The following SQOR variants were observed in gnomAD, a reference collection of about 807,000 sequenced individuals.
SQOR encodes sulfide:quinone oxidoreductase, mitochondrial.
SQOR carries 39 observed loss-of-function variants against 48.6 expected under a neutral mutation model. The observed-to-expected ratio is 0.80, with a 90% CI of 0.62 to 1.05. The LOEUF (loss-of-function observed/expected upper bound fraction) is 1.05. Ranked by LOEUF, SQOR falls within the 50% of genes least tolerant of loss-of-function variation. SQOR has a pLI of 0.00. For synonymous variants in SQOR, 220 were observed against 206.2 expected (o/e 1.07, Z -0.57); for missense variants, 561 against 559.9 (o/e 1.00, Z -0.02).
Position 45,659,145 on chromosome 15 carries a change from T to G in SQOR, c.222T>G (p.Val74=). ...TGGGTGCAGAGAATGTGGCCATTGT[T>G]GAGCCCAGTGAGGTAAGCCTCCCCT... is the stretch of plus-strand genomic sequence containing the variant. The part of the protein sequence containing the change: ...RKVGAENVAI[V]EPSERHFYQP... Residue 74 remains valine, a synonymous_variant, in exon 2 of 10, where the codon GTT becomes GTG. Coordinates refer to ENST00000260324, the MANE Select transcript of SQOR (RefSeq NM_021199.4). 1 of 1,533,808 alleles carries G rather than the reference T, an allele frequency of 6.5e-7. No individual in the cohort carries two copies. The highest frequency in any genetic ancestry group is 8.8e-7 in the Non-Finnish European group (1 of 1,133,956).
chr15:45,689,363 A>G (rs1451529223), intron 9 of SQOR, 146 bp downstream of exon 9: 1 of 663,102 alleles, frequency 1.5e-6, no homozygotes, highest in Non-Finnish European at 2.5e-6. Context: ...TGCTGGATAA[A>G]TAATAATAGT....
At chr15:45,659,217 T>A (rs532791362) in intron 2 of SQOR, 60 bp downstream of exon 2, 247 of 1,268,218 alleles carry the variant, frequency 1.9e-4, no homozygotes, top group East Asian at 7.3e-4. Flanking sequence ...TGTGAGTGTG[T>A]GTGTGTGTGT....
In SQOR at chr15:45,676,182, C is replaced by A. The variant is rs771281868; in HGVS notation, c.736C>A (p.Leu246Met). ...IFGVKKYADA[L>M]QEIIQERNLT... ...CGGGGTTAAGAAGTATGCAGATGCC[C>A]TGCAGGAGATCATCCAGGAGCGGAA... The change falls in exon 6 of 10, where the codon CTG (leucine) becomes ATG (methionine). Residue 246 changes from leucine (L) to methionine (M), a missense_variant. Coordinates refer to ENST00000260324, the MANE Select transcript of SQOR (RefSeq NM_021199.4). The A allele has an allele frequency of 6.2e-7, 1 of 1,614,030 alleles. No individual in the cohort carries two copies. The highest frequency in any genetic ancestry group is 1.3e-5 in the African/African-American group (1 of 74,922).
intron 1 of SQOR, among the ~76,000 whole-genome samples, chr15:45,639,616 A>G (rs2140936626): frequency 6.6e-6 from 1 of 152,346 alleles, no homozygotes; most frequent in Middle Eastern, 3.4e-3. Flanking sequence ...CTCTATGATA[A>G]CTTTCTTATA....
chr15:45,650,218 C>A (rs1595572124), intron 1 of SQOR, among the ~76,000 whole-genome samples: 2 of 152,264 alleles, frequency 1.3e-5, no homozygotes, highest in East Asian at 3.9e-4. Context: ...TGACTCATTG[C>A]CACCTCCACT....
intron 7 of SQOR, among the ~76,000 whole-genome samples, chr15:45,686,572 G>T (rs1245803350): frequency 6.6e-6 from 1 of 152,218 alleles, no homozygotes; most frequent in Non-Finnish European, 1.5e-5. Context: ...ATGGGGCAAT[G>T]CAGTCCACTG....
chr15:45,674,229 G>C (rs1421400328), intron 5 of SQOR, among the ~76,000 whole-genome samples: 1 of 152,156 alleles, frequency 6.6e-6, no homozygotes, highest in Non-Finnish European at 1.5e-5. Flanking sequence ...CTGAGGTTAG[G>C]AGTTCAAGAC....
chr15:45,688,936 GA>G (rs1890270838), intron 8 of SQOR, 102 bp from the exon 9 acceptor site: 1 of 970,156 alleles, frequency 1.0e-6, no homozygotes, highest in Non-Finnish European at 1.5e-6. Context: ...ATACAGAAAA[GA>G]AAAAATATAT....
At chr15:45,661,432 G>A (rs1211139784) in intron 2 of SQOR, among the ~76,000 whole-genome samples, 1 of 151,934 alleles carries the variant, frequency 6.6e-6, no homozygotes, top group Admixed American at 6.6e-5. Context: ...CTCTGAGAAA[G>A]TAGAAGAAGG....
intron 1 of SQOR, among the ~76,000 whole-genome samples, chr15:45,649,212 ACCAGGTCTGGAACTAGGGG>A (rs1267290497): frequency 6.6e-6 from 1 of 152,086 alleles, no homozygotes; most frequent in East Asian, 1.9e-4. Context: ...ACTTGTCCAG[ACCAGGTCTGGAACTAGGGG>A]CCAGTGATGG....
chr15:45,659,016 G>T lies in SQOR; in HGVS notation c.93G>T (p.Gln31His). 1.2e-6 allele frequency: 2 copies of T among 1,603,196 alleles called. No individual in the cohort carries two copies. The highest frequency in any genetic ancestry group is 1.7e-6 in the Non-Finnish European group (2 of 1,175,232). Residue 31 changes from glutamine (Q) to histidine (H), a missense_variant, in exon 2 of 10, where the codon CAG (glutamine) becomes CAT (histidine). Physicochemically the swap from Gln to His is conservative, Grantham distance 24 (BLOSUM62 0). Transcript: ENST00000260324. ...RLGTQQVGPLQLHTGASHAAR... is the reference protein window; with the variant it reads ...RLGTQQVGPLHLHTGASHAAR... ...GCACTCAGCAGGTCGGCCCCCTTCAGCTGCACACCGGGGCCAGCCATGCGG... is the reference window on the plus strand; with the variant it reads ...GCACTCAGCAGGTCGGCCCCCTTCATCTGCACACCGGGGCCAGCCATGCGG...
At chr15:45,684,592 T>TTC (rs66499038) in intron 7 of SQOR, among the ~76,000 whole-genome samples, 36,677 of 150,008 alleles carry the variant, frequency 0.24, 5,121 homozygotes, top group East Asian at 0.64. Context: ...TTAAGGGGTG[T>TTC]TCTCTCTCTC....
chr15:45,671,570 A>G (rs1487631960), intron 4 of SQOR, among the ~76,000 whole-genome samples: 1 of 152,336 alleles, frequency 6.6e-6, no homozygotes, highest in East Asian at 1.9e-4. Flanking sequence ...TCACTGTGCT[A>G]CTTGGGACTC....
intron 1 of SQOR, among the ~76,000 whole-genome samples, chr15:45,643,789 C>T (rs1895147028): frequency 6.6e-6 from 1 of 152,024 alleles, no homozygotes; most frequent in East Asian, 1.9e-4. Flanking sequence ...CTTTTCTGAG[C>T]ACTTCTGGCT....
chr15:45,634,198 C>CTATATATA (rs60889862), upstream of SQOR, among the ~76,000 whole-genome samples: 472 of 43,822 alleles, frequency 0.011, 64 homozygotes, highest in African/African-American at 0.022. Context: ...ACAACAACAA[C>CTATATATA]TATATATATA....
At chr15:45,659,220 G>C (rs1209663424) in intron 2 of SQOR, 63 bp downstream of exon 2, 2 of 1,322,620 alleles carry the variant, frequency 1.5e-6, no homozygotes, top group Non-Finnish European at 2.0e-6. Context: ...GAGTGTGTGT[G>C]TGTGTGTGTT....
chr15:45,637,443 A>T (rs1566912723), intron 1 of SQOR, among the ~76,000 whole-genome samples: 2 of 152,180 alleles, frequency 1.3e-5, no homozygotes, highest in South Asian at 2.1e-4. Context: ...TTATATCCCC[A>T]AGCCTGGGGA....
chr15:45,661,289 T>TAAAAAAAAAAAAAAAAAAAA (rs777334925), intron 2 of SQOR, among the ~76,000 whole-genome samples: 4 of 84,374 alleles, frequency 4.7e-5, no homozygotes, highest in Admixed American at 1.3e-4. Flanking sequence ...AGACTCTGTC[T>TAAAAAAAAAAAAAAAAAAAA]TAAAAAAAAA....
At chr15:45,657,240 C>G (rs73422325) in intron 1 of SQOR, among the ~76,000 whole-genome samples, 19,705 of 150,570 alleles carry the variant, frequency 0.13, 1,591 homozygotes, top group Admixed American at 0.21. Flanking sequence ...TGACCTGAGC[C>G]TTCCCTGGCC....
Sources: allele counts gnomAD v4.1 joint callset (sites outside exome capture counted in the v4.1 genomes callset), GRCh38; gene constraint gnomAD v4.1.1; transcripts MANE v1.5; gene names NCBI Gene and HGNC (gene_info 2026-07-23, HGNC 2026-07-21).